Variants in CAMTA1 observed in about 807,000 individuals in gnomAD.
CAMTA1 encodes the protein calmodulin-binding transcription activator 1.
CAMTA1 carries 27 observed loss-of-function variants against 170.9 expected under a neutral mutation model. The ratio of observed to expected loss-of-function variants is 0.16; its 90% confidence interval spans 0.12 to 0.22. CAMTA1 has a LOEUF of 0.22. Ranked by LOEUF, CAMTA1 falls within the 10% of genes least tolerant of loss-of-function variation. The pLI is 1.00. For synonymous variants in CAMTA1, 833 were observed against 891.5 expected (o/e 0.93, Z 1.17); for missense variants, 1,619 against 2,217.2 (o/e 0.73, Z 5.42).
chr1:6,902,813 A>G (rs2149220121), intron 3 of CAMTA1, among the ~76,000 whole-genome samples: 1 of 152,324 alleles, frequency 6.6e-6, no homozygotes, highest in East Asian at 1.9e-4. Flanking sequence ...ATCAACATGA[A>G]ATGTTGGTGA....
chr1:7,656,775 G>A (rs1023754415), intron 7 of CAMTA1, among the ~76,000 whole-genome samples: 1 of 152,230 alleles, frequency 6.6e-6, no homozygotes. Context: ...CCGCCTCTTG[G>A]GTAAATTGTT....
At position 7,738,925 on chromosome 1, in the gene CAMTA1, C is replaced by A. The variant is rs896699760; in HGVS notation, c.4182+443C>A. Reference sequence around the variant, plus strand: ...TTGATCGGCATAGCTATCATCTAGCCATTGTAAAGGGCATATATGGCGTGA... The same window carrying A: ...TTGATCGGCATAGCTATCATCTAGCAATTGTAAAGGGCATATATGGCGTGA... On this transcript the variant is annotated intron_variant, in intron 16 of 22. Coordinates refer to ENST00000303635, the MANE Select transcript of CAMTA1 (RefSeq NM_015215.4). The surrounding 1 kb of genome is among the most constrained non-coding windows in gnomAD (Gnocchi z 4.9). Among the ~76,000 whole-genome samples the A allele has an allele frequency of 6.6e-6, 1 of 152,146 alleles. No homozygotes were observed. Among genetic ancestry groups the A allele is most frequent in the Non-Finnish European group, 1.5e-5 (1 of 68,026 alleles).
At chr1:6,803,820 T>C (rs564065974) in intron 1 of CAMTA1, among the ~76,000 whole-genome samples, 2 of 152,232 alleles carry the variant, frequency 1.3e-5, no homozygotes, top group East Asian at 3.9e-4. Flanking sequence ...ACTCAAGTGA[T>C]CCTCCTGCCT....
At chr1:7,148,110 C>T (rs532081980) in intron 4 of CAMTA1, among the ~76,000 whole-genome samples, 23 of 151,844 alleles carry the variant, frequency 1.5e-4, no homozygotes, top group Non-Finnish European at 2.5e-4. Context: ...ACACCACACA[C>T]ACGCACACAC....
intron 3 of CAMTA1, chr1:6,871,795 T>C (rs1668477112): frequency 3.9e-6 from 6 of 1,534,690 alleles, no homozygotes; most frequent in Admixed American, 2.0e-5. Flanking sequence ...TTCTTTTTAA[T>C]AATGTGTGAC....
intron 11 of CAMTA1, among the ~76,000 whole-genome samples, chr1:7,712,828 A>G (rs1466879675): frequency 1.1e-5 from 1 of 93,574 alleles, no homozygotes; most frequent in Non-Finnish European, 2.2e-5. Context: ...CAGAAAGCGA[A>G]GGAGGAGCAA....
chr1:6,785,559 C>T lies in CAMTA1; in HGVS notation c.29C>T (p.Pro10Leu). Residue 10 changes from proline (P) to leucine (L), a missense_variant, in exon 1 of 23, where the codon CCG becomes CTG. Physicochemically the swap from Pro to Leu is moderately conservative, Grantham distance 98. Coordinates refer to ENST00000303635, the MANE Select transcript of CAMTA1 (RefSeq NM_015215.4). MWRAEGKWL[P>L]KTSRKSVSQS... ...TGGCGCGCGGAGGGGAAATGGCTGC[C>T]GAAAACAAGCCGGAAGGTAAGAGCC... 9.3e-7 allele frequency: 1 copy of T among 1,075,344 alleles called. No homozygotes were observed. The highest frequency in any genetic ancestry group is 1.1e-6 in the Non-Finnish European group (1 of 871,318). 66.6% of individuals were successfully genotyped at this position (1,075,344 alleles called of 1,614,324 possible).
intron 4 of CAMTA1, among the ~76,000 whole-genome samples, chr1:7,243,498 T>C (rs970600556): frequency 2.6e-5 from 4 of 152,230 alleles, no homozygotes; most frequent in Non-Finnish European, 5.9e-5. Flanking sequence ...ATTTCCCCAT[T>C]GATTGTTTCT....
intron 3 of CAMTA1, among the ~76,000 whole-genome samples, chr1:7,066,145 G>C (rs147499705): frequency 3.9e-5 from 6 of 152,298 alleles, no homozygotes; most frequent in African/African-American, 7.2e-5. Context: ...CATCCTCTCC[G>C]AGGGGTCTTT....
At chr1:6,800,878 A>T (rs1643706791) in intron 1 of CAMTA1, among the ~76,000 whole-genome samples, 1 of 152,200 alleles carries the variant, frequency 6.6e-6, no homozygotes, top group African/African-American at 2.4e-5. Flanking sequence ...CTGAGAGGCA[A>T]GTTGAAGTTC....
intron 5 of CAMTA1, among the ~76,000 whole-genome samples, chr1:7,392,832 C>G (rs2088873778): frequency 6.6e-6 from 1 of 151,988 alleles, no homozygotes; most frequent in Non-Finnish European, 1.5e-5. Flanking sequence ...CGAGATCACG[C>G]CACTGAGCTC....
chr1:7,280,009 G>A (rs1671283786), intron 5 of CAMTA1, among the ~76,000 whole-genome samples: 1 of 152,238 alleles, frequency 6.6e-6, no homozygotes, highest in Non-Finnish European at 1.5e-5. Flanking sequence ...CACCAGGGAA[G>A]GAGCCTGCTC....
intron 4 of CAMTA1, among the ~76,000 whole-genome samples, chr1:7,181,873 G>T (rs1332987639): frequency 6.6e-6 from 1 of 152,034 alleles, no homozygotes. Flanking sequence ...AAGTTCATAT[G>T]AAAAGACAAA....
intron 5 of CAMTA1, among the ~76,000 whole-genome samples, chr1:7,377,768 A>T (rs552931882): frequency 6.6e-6 from 1 of 152,200 alleles, no homozygotes; most frequent in African/African-American, 2.4e-5. Flanking sequence ...AAAAATGCAA[A>T]AATTAGCCGA....
intron 6 of CAMTA1, among the ~76,000 whole-genome samples, chr1:7,524,157 G>A (rs1361518242): frequency 6.6e-6 from 1 of 152,106 alleles, no homozygotes; most frequent in East Asian, 1.9e-4. Flanking sequence ...AGCCGAGATC[G>A]CACCACTGCA....
chr1:7,686,484 G>A (rs544666684), intron 11 of CAMTA1, among the ~76,000 whole-genome samples: 20 of 151,976 alleles, frequency 1.3e-4, no homozygotes, highest in African/African-American at 4.1e-4. Context: ...GGGGAGCTGC[G>A]GTCAGAATAG....
chr1:7,434,106 C>T lies in CAMTA1; in HGVS notation c.439-33724C>T, dbSNP rs74844319. Among the ~76,000 whole-genome samples, 1,474 of 152,256 alleles carry T rather than the reference C, an allele frequency of 9.7e-3. 36 individuals carry two copies. The highest frequency in any genetic ancestry group is 0.034 in the African/African-American group (1,401 of 41,544). On this transcript the variant is annotated intron_variant, in intron 5 of 22. Transcript: ENST00000303635. Reference sequence around the variant, plus strand: ...ATCCCTTCCTCCTCCTGGAGAGTCCCTCCCCAAGCATCCATGCCTCCCAGC... The same window carrying T: ...ATCCCTTCCTCCTCCTGGAGAGTCCTTCCCCAAGCATCCATGCCTCCCAGC...
intron 5 of CAMTA1, among the ~76,000 whole-genome samples, chr1:7,259,416 G>T (rs1385234518): frequency 1.3e-5 from 2 of 152,124 alleles, no homozygotes; most frequent in South Asian, 2.1e-4. Flanking sequence ...CATCACCCAG[G>T]GGGTATTAGA....
chr1:7,119,885 G>A (rs1573218031), intron 4 of CAMTA1, among the ~76,000 whole-genome samples: 1 of 152,158 alleles, frequency 6.6e-6, no homozygotes, highest in East Asian at 1.9e-4. Context: ...CCATTCTGAT[G>A]CACAGCAGAG....
Sources: gnomAD v4.1 joint callset for allele counts (sites outside exome capture counted in the v4.1 genomes callset) on GRCh38, gnomAD v4.1.1 for gene constraint, Gnocchi (gnomAD v3.1) non-coding constraint, MANE v1.5 for transcripts, NCBI Gene and HGNC (gene_info 2026-07-23, HGNC 2026-07-21) for gene names.